CRACR2A: variants seen among roughly 807,000 people sequenced by gnomAD.
The protein encoded by CRACR2A is EF-hand calcium-binding domain-containing protein 4B.
A neutral mutation model predicts 90.5 loss-of-function variants in CRACR2A; 79 were observed. That is an observed-to-expected ratio of 0.87 (90% confidence interval 0.73 to 1.05). CRACR2A has a LOEUF of 1.05. Among genes scored for constraint, CRACR2A ranks in the 50% least tolerant of loss-of-function variants. The pLI, the probability that CRACR2A is intolerant of heterozygous loss-of-function variation, is 0.00. For synonymous variants in CRACR2A, 338 were observed against 356.7 expected (o/e 0.95, Z 0.59); for missense variants, 823 against 897.2 (o/e 0.92, Z 1.06).
chr12:3,722,429 T>C (rs1034526353), intron 2 of CRACR2A, among the ~76,000 whole-genome samples: 3 of 152,118 alleles, frequency 2.0e-5, no homozygotes, highest in Non-Finnish European at 4.4e-5. Context: ...CTGAAGACAG[T>C]GTGGGTGCTA....
intron 3 of CRACR2A, among the ~76,000 whole-genome samples, chr12:3,702,160 C>T (rs531104640): frequency 3.9e-5 from 6 of 152,184 alleles, no homozygotes; most frequent in South Asian, 4.1e-4. Context: ...TGGCCCAACA[C>T]GAAAATGGGC....
chr12:3,648,657 G>T, intron 10 of CRACR2A, 44 bp from the exon 11 acceptor site: 2 of 1,590,624 alleles, frequency 1.3e-6, no homozygotes, highest in South Asian at 2.3e-5. Flanking sequence ...CCAGGTGGAA[G>T]CCGGATGCCC....
At chr12:3,663,959 T>G (rs565918760) in intron 7 of CRACR2A, among the ~76,000 whole-genome samples, 3 of 152,376 alleles carry the variant, frequency 2.0e-5, no homozygotes, top group African/African-American at 7.2e-5. Context: ...AATGTAATGC[T>G]GTTAGATTTT....
intron 10 of CRACR2A, among the ~76,000 whole-genome samples, chr12:3,649,882 GA>G (rs1398959732): frequency 6.6e-6 from 1 of 151,978 alleles, no homozygotes; most frequent in Non-Finnish European, 1.5e-5. Flanking sequence ...AAAGAGGAAG[GA>G]AAGATGGGGT....
intron 12 of CRACR2A, 70 bp downstream of exon 12, chr12:3,644,525 A>C (rs1944651041): frequency 2.7e-6 from 4 of 1,471,478 alleles, no homozygotes; most frequent in Non-Finnish European, 3.7e-6. Flanking sequence ...GCCAGTCTCG[A>C]CATGGATCTG....
At chr12:3,618,264 A>G (rs1243779734) in intron 18 of CRACR2A, among the ~76,000 whole-genome samples, 1 of 152,124 alleles carries the variant, frequency 6.6e-6, no homozygotes, top group African/African-American at 2.4e-5. Context: ...GAAAGGTAAT[A>G]CATGTATATA....
At chr12:3,728,577 C>G (rs968902035) in intron 2 of CRACR2A, 1 of 152,272 alleles carries the variant, frequency 6.6e-6, no homozygotes, top group African/African-American at 2.4e-5. Flanking sequence ...CCTCCCCTCA[C>G]CCCTGCACTC....
At chr12:3,733,611 G>A (rs935271944) in intron 1 of CRACR2A, among the ~76,000 whole-genome samples, 60 of 152,304 alleles carry the variant, frequency 3.9e-4, no homozygotes, top group African/African-American at 1.4e-3. Context: ...GAGGAAGCCT[G>A]AGGCAGAACA....
chr12:3,640,081 T>C lies in CRACR2A; in HGVS notation c.1272-1627A>G, dbSNP rs75845822. The stretch of plus-strand genomic sequence containing the variant: ...AACAGGCATTAAAACAAAGCATTTC[T>C]TGGAAAAAGCTTTCTGTCTGGGAAA... On this transcript the variant is annotated intron_variant, in intron 13 of 19. Coordinates refer to ENST00000440314, the MANE Select transcript of CRACR2A (RefSeq NM_001144958.2). Among the ~76,000 whole-genome samples, 770 of 152,356 alleles carry C rather than the reference T, an allele frequency of 5.1e-3. 7 individuals carry two copies. Among genetic ancestry groups the C allele is most frequent in the African/African-American group, 0.017 (724 of 41,590 alleles).
At position 3,656,377 on chromosome 12, in the gene CRACR2A, T is replaced by C; in HGVS notation, c.792A>G (p.Gln264=). 1 of 1,614,124 alleles carries C rather than the reference T, an allele frequency of 6.2e-7. No homozygotes were observed. The highest frequency in any genetic ancestry group is 8.5e-7 in the Non-Finnish European group (1 of 1,180,028). The part of the protein sequence containing the change: ...KDTERFQARS[Q]ELEQKLLCKE... ...TACATAACAGTTTCTGCTCCAGCTC[T>C]TGACTGCGGGCTTGAAACCTCTCTG... Residue 264 remains glutamine, a synonymous_variant, in exon 9 of 20, where the codon CAA becomes CAG. Coordinates refer to ENST00000440314, the MANE Select transcript of CRACR2A (RefSeq NM_001144958.2).
intron 6 of CRACR2A, among the ~76,000 whole-genome samples, 180 bp from the exon 7 acceptor site, chr12:3,673,772 A>G (rs1268933469): frequency 6.6e-6 from 1 of 152,212 alleles, no homozygotes; most frequent in Non-Finnish European, 1.5e-5. Context: ...ATATCAGCTC[A>G]TTTCGTCCTC....
intron 15 of CRACR2A, among the ~76,000 whole-genome samples, chr12:3,628,184 T>C (rs1025575802): frequency 1.3e-5 from 2 of 149,056 alleles, no homozygotes; most frequent in Non-Finnish European, 1.5e-5. Context: ...TCTCTCTTTC[T>C]TTCTCTCTCT....
At chr12:3,678,023 A>G (rs1213164137) in intron 6 of CRACR2A, among the ~76,000 whole-genome samples, 3 of 152,152 alleles carry the variant, frequency 2.0e-5, no homozygotes, top group African/African-American at 7.2e-5. Context: ...TCCCAAGCTC[A>G]GGAAATGTCA....
At position 3,617,089 on chromosome 12, in the gene CRACR2A, G is replaced by T. The variant is rs927899740; in HGVS notation, c.2035-59C>A. The T allele has an allele frequency of 3.2e-5, 42 of 1,323,106 alleles. No individual in the cohort carries two copies. The East Asian group carries it at 9.8e-4, about 31-fold the overall frequency. The allele number at this position is 1,323,106 out of a possible 1,614,324, so 82.0% of individuals were successfully genotyped here. ...TTGGAGTGAGAGGGGATTGTGGGGG[G>T]TGGTGGGAGAGCCCCCTTGTGCATC... On this transcript the variant is annotated intron_variant, in intron 18 of 19. Transcript: ENST00000440314.
intron 7 of CRACR2A, among the ~76,000 whole-genome samples, chr12:3,666,334 T>TGTGTGTGTGTGC: frequency 1.1e-5 from 1 of 93,972 alleles, no homozygotes; most frequent in Non-Finnish European, 2.3e-5. Context: ...CGGCTGCGTG[T>TGTGTGTGTGTGC]GTGTGTGTGT....
At chr12:3,700,890 C>T (rs1320614995) in intron 3 of CRACR2A, among the ~76,000 whole-genome samples, 1 of 152,184 alleles carries the variant, frequency 6.6e-6, no homozygotes, top group Non-Finnish European at 1.5e-5. Context: ...ACACTCCACC[C>T]AATGACAGCT....
intron 1 of CRACR2A, among the ~76,000 whole-genome samples, chr12:3,743,707 T>C (rs1946566391): frequency 6.6e-6 from 1 of 152,172 alleles, no homozygotes; most frequent in Admixed American, 6.5e-5. Flanking sequence ...CAAATTATCT[T>C]ATTATGAAGC....
intron 2 of CRACR2A, among the ~76,000 whole-genome samples, chr12:3,721,581 G>A: frequency 9.8e-6 from 1 of 101,992 alleles, no homozygotes; most frequent in Admixed American, 1.2e-4. Context: ...TCTCAATCAT[G>A]TCTCAAAAAA....
In CRACR2A at chr12:3,746,763, G is replaced by A. The variant is rs1189609859; in HGVS notation, c.-387+6252C>T. Among the ~76,000 whole-genome samples the A allele has an allele frequency of 6.6e-6, 1 of 152,174 alleles. No individual in the cohort carries two copies. Among genetic ancestry groups the A allele is most frequent in the Non-Finnish European group, 1.5e-5 (1 of 68,038 alleles). ...TGAGAGACTCTGCTTCTGCCTCCTG[G>A]AGAATTTCAATCCAAGACAAGCACA... is the stretch of plus-strand genomic sequence containing the variant. On this transcript the variant is annotated intron_variant, in intron 1 of 19. Transcript: ENST00000440314. This position sits in a 1 kb window ranked among gnomAD's most constrained non-coding sequence, Gnocchi z 4.4.
Sources: gnomAD v4.1 joint callset for allele counts (sites outside exome capture counted in the v4.1 genomes callset) on GRCh38, gnomAD v4.1.1 for gene constraint, Gnocchi (gnomAD v3.1) non-coding constraint, MANE v1.5 for transcripts, NCBI Gene and HGNC (gene_info 2026-07-23, HGNC 2026-07-21) for gene names.